Variants in MED27 observed in about 807,000 individuals in gnomAD.
The protein encoded by MED27 is mediator complex subunit 27.
MED27 carries 30 observed loss-of-function variants against 38.2 expected under a neutral mutation model. That is an observed-to-expected ratio of 0.79 (90% CI 0.59 to 1.07). The LOEUF (loss-of-function observed/expected upper bound fraction) is 1.07, where lower values mean the gene tolerates loss of function less well. Ranked by LOEUF, MED27 falls within the 50% of genes least tolerant of loss-of-function variation. The pLI, the probability that MED27 is intolerant of heterozygous loss-of-function variation, is 0.00. For missense variants in MED27, 289 were observed against 397.5 expected (o/e 0.73, Z 2.32); for synonymous variants, 122 against 153.5 (o/e 0.79, Z 1.52).
chr9:132,066,438 G>A (rs1399944861), intron 2 of MED27, among the ~76,000 whole-genome samples: 1 of 152,214 alleles, frequency 6.6e-6, no homozygotes, highest in African/African-American at 2.4e-5. Flanking sequence ...GTTGAAACAA[G>A]TTTGGCAACG....
At chr9:131,882,032 G>A (rs1287091987) in intron 6 of MED27, among the ~76,000 whole-genome samples, 1 of 151,916 alleles carries the variant, frequency 6.6e-6, no homozygotes, top group Non-Finnish European at 1.5e-5. Flanking sequence ...GGGATTACAG[G>A]CATGAGCCAC....
At chr9:131,881,030 A>C (rs1272007266) in intron 6 of MED27, among the ~76,000 whole-genome samples, 2 of 152,178 alleles carry the variant, frequency 1.3e-5, no homozygotes, top group African/African-American at 4.8e-5. Context: ...GCCCTCAAGA[A>C]GTCATCATTG....
chr9:131,905,699 G>A (rs1250696748), intron 4 of MED27, among the ~76,000 whole-genome samples: 1 of 28,166 alleles, frequency 3.6e-5, no homozygotes, highest in Non-Finnish European at 5.5e-5. Context: ...GCAAGACCTT[G>A]TCAAAAAAAA....
chr9:132,025,105 G>T (rs1483397057), intron 2 of MED27, among the ~76,000 whole-genome samples: 1 of 141,618 alleles, frequency 7.1e-6, no homozygotes, highest in Non-Finnish European at 1.5e-5. Context: ...CCCTTGGAAG[G>T]AAAAAAAAAA....
At chr9:131,984,578 G>T (rs532213656) in intron 3 of MED27, among the ~76,000 whole-genome samples, 1 of 152,324 alleles carries the variant, frequency 6.6e-6, no homozygotes, top group Admixed American at 6.5e-5. Context: ...TCTTAAAAAG[G>T]TGTATGATAC....
intron 3 of MED27, among the ~76,000 whole-genome samples, chr9:131,940,683 C>T (rs544322298): frequency 2.7e-4 from 41 of 152,232 alleles, no homozygotes; most frequent in East Asian, 5.8e-4. Flanking sequence ...CCCAAAATGC[C>T]GGGATTACAG....
At chr9:131,935,643 C>T (rs1230624657) in intron 4 of MED27, among the ~76,000 whole-genome samples, 1 of 152,080 alleles carries the variant, frequency 6.6e-6, no homozygotes, top group Non-Finnish European at 1.5e-5. Context: ...GATACAGGCA[C>T]ATGTGGCAAA....
intron 3 of MED27, among the ~76,000 whole-genome samples, chr9:131,993,634 G>A (rs1454059820): frequency 2.0e-5 from 3 of 152,176 alleles, no homozygotes; most frequent in African/African-American, 7.2e-5. Context: ...AGTTTACAGT[G>A]GATCCATCCA....
chr9:131,895,634 A>T (rs565567640), intron 4 of MED27, among the ~76,000 whole-genome samples: 2 of 152,254 alleles, frequency 1.3e-5, no homozygotes, highest in Non-Finnish European at 2.9e-5. Flanking sequence ...CATGGTAAGA[A>T]AAAACATTTA....
At chr9:132,052,812 T>C (rs1263375887) in intron 2 of MED27, among the ~76,000 whole-genome samples, 1 of 152,222 alleles carries the variant, frequency 6.6e-6, no homozygotes, top group Non-Finnish European at 1.5e-5. Context: ...TAACCTCCAG[T>C]TCTATCCATG....
At chr9:131,959,300 T>A (rs1589234517) in intron 3 of MED27, among the ~76,000 whole-genome samples, 1 of 152,230 alleles carries the variant, frequency 6.6e-6, no homozygotes, top group African/African-American at 2.4e-5. Flanking sequence ...GCACATTTCC[T>A]GTACAACACA....
At chr9:131,936,497 G>A (rs1830687690) in intron 4 of MED27, among the ~76,000 whole-genome samples, 1 of 152,198 alleles carries the variant, frequency 6.6e-6, no homozygotes, top group Non-Finnish European at 1.5e-5. Flanking sequence ...CAGTTCTGTG[G>A]GGCTGCCAAG....
At chr9:132,049,223 A>G (rs1833409657) in intron 2 of MED27, among the ~76,000 whole-genome samples, 1 of 152,198 alleles carries the variant, frequency 6.6e-6, no homozygotes, top group Non-Finnish European at 1.5e-5. Flanking sequence ...CACATCAGAA[A>G]ACTTCAACCT....
intron 4 of MED27, among the ~76,000 whole-genome samples, chr9:131,915,471 T>C (rs546382053): frequency 6.6e-6 from 1 of 152,080 alleles, no homozygotes; most frequent in East Asian, 1.9e-4. Flanking sequence ...TAACTCAAGA[T>C]GGGGAGGGGG....
At chr9:131,933,834 CA>C (rs1830634272) in intron 4 of MED27, among the ~76,000 whole-genome samples, 1 of 151,880 alleles carries the variant, frequency 6.6e-6, no homozygotes, top group African/African-American at 2.4e-5. Flanking sequence ...AAGCTACCCT[CA>C]GCAGAACAAA....
chr9:131,882,022 G>A (rs954030789), intron 6 of MED27, among the ~76,000 whole-genome samples: 4 of 151,852 alleles, frequency 2.6e-5, no homozygotes, highest in African/African-American at 9.7e-5. Flanking sequence ...CCAAAGTGCT[G>A]GGATTACAGG....
intron 4 of MED27, among the ~76,000 whole-genome samples, chr9:131,920,955 G>A (rs1830379770): frequency 6.6e-6 from 1 of 152,182 alleles, no homozygotes; most frequent in African/African-American, 2.4e-5. Flanking sequence ...CAGGATGGCA[G>A]TGGGGAGGCC....
chr9:131,925,706 T>C (rs2131558055), intron 4 of MED27, among the ~76,000 whole-genome samples: 1 of 152,292 alleles, frequency 6.6e-6, no homozygotes, highest in Non-Finnish European at 1.5e-5. Flanking sequence ...AATATGCATA[T>C]ATATATGGTG....
intron 2 of MED27, among the ~76,000 whole-genome samples, chr9:132,032,860 C>T (rs1205406896): frequency 1.3e-5 from 2 of 152,226 alleles, no homozygotes; most frequent in Non-Finnish European, 2.9e-5. Context: ...CCGCGCTCCA[C>T]ACTAAGCCTC....
Sources: allele counts gnomAD v4.1 joint callset (sites outside exome capture counted in the v4.1 genomes callset), GRCh38; gene constraint gnomAD v4.1.1; transcripts MANE v1.5; gene names NCBI Gene and HGNC (gene_info 2026-07-23, HGNC 2026-07-21).